Variants in CEP128 observed in about 807,000 individuals in gnomAD.
CEP128 encodes centrosomal protein 128.
A neutral mutation model predicts 156.7 loss-of-function variants in CEP128; 132 were observed. The ratio of observed to expected loss-of-function variants is 0.84; its 90% CI spans 0.73 to 0.97. The LOEUF is 0.97. CEP128 is among the 50% of genes least tolerant of loss of function. The pLI is 0.00. For synonymous variants in CEP128, 469 were observed against 448.9 expected (o/e 1.04, Z -0.57); for missense variants, 1,252 against 1,281.9 (o/e 0.98, Z 0.36).
chr14:80,631,205 T>C (rs1893945637), intron 19 of CEP128, among the ~76,000 whole-genome samples: 1 of 152,020 alleles, frequency 6.6e-6, no homozygotes. Flanking sequence ...GAACACTAAG[T>C]AGAGTCTTTA....
At position 80,916,579 on chromosome 14, in the gene CEP128, G is replaced by T; in HGVS notation, c.-15-17C>A. The T allele has an allele frequency of 6.4e-7, 1 of 1,571,120 alleles. No individual in the cohort carries two copies. The highest frequency in any genetic ancestry group is 8.7e-7 in the Non-Finnish European group (1 of 1,153,518). On this transcript the variant is annotated splice_polypyrimidine_tract_variant and intron_variant, in intron 2 of 24. Transcript: ENST00000555265. ...ACACAAATCCTTTTAAATAAATATA[G>T]GTCAAAGTTAATGAAACAGTAAAAA...
At chr14:80,945,008 G>A (rs1886306333), upstream of CEP128, among the ~76,000 whole-genome samples, 1 of 151,826 alleles carries the variant, frequency 6.6e-6, no homozygotes, top group Non-Finnish European at 1.5e-5. Flanking sequence ...TTACAGATAG[G>A]GGCACACAGA....
intron 19 of CEP128, among the ~76,000 whole-genome samples, chr14:80,668,684 T>A (rs1330572891): frequency 6.6e-6 from 1 of 152,088 alleles, no homozygotes; most frequent in African/African-American, 2.4e-5. Flanking sequence ...AAATTTTGAG[T>A]TCTCAGATCC....
At chr14:80,613,371 C>T (rs191548514) in intron 19 of CEP128, among the ~76,000 whole-genome samples, 1,657 of 138,790 alleles carry the variant, frequency 0.012, 31 homozygotes, top group African/African-American at 0.043. Context: ...GGCGCGATCT[C>T]GGCTCACTGC....
chr14:80,878,881 T>C (rs997605825), intron 8 of CEP128, among the ~76,000 whole-genome samples: 2 of 152,238 alleles, frequency 1.3e-5, no homozygotes, highest in Admixed American at 6.5e-5. Flanking sequence ...ATCTGTGTTG[T>C]GGATCCCAGT....
At chr14:80,693,111 C>T (rs1460570497) in intron 19 of CEP128, among the ~76,000 whole-genome samples, 1 of 152,144 alleles carries the variant, frequency 6.6e-6, no homozygotes, top group East Asian at 1.9e-4. Context: ...CAAAGATATG[C>T]TGGAAGTATC....
intron 21 of CEP128, among the ~76,000 whole-genome samples, chr14:80,538,069 G>A (rs959098938): frequency 2.0e-5 from 3 of 152,024 alleles, no homozygotes; most frequent in Non-Finnish European, 2.9e-5. Flanking sequence ...TGACTATCAA[G>A]TACTTACTTG....
intron 16 of CEP128, among the ~76,000 whole-genome samples, chr14:80,774,547 C>G (rs1900684457): frequency 6.6e-6 from 1 of 152,046 alleles, no homozygotes; most frequent in Non-Finnish European, 1.5e-5. Flanking sequence ...CTTTTATCTG[C>G]CCCAGACTGG....
At chr14:80,654,747 C>A (rs1895056883) in intron 19 of CEP128, among the ~76,000 whole-genome samples, 1 of 152,024 alleles carries the variant, frequency 6.6e-6, no homozygotes, top group Admixed American at 6.6e-5. Flanking sequence ...TCTTTCTACT[C>A]CCCTCCTCCA....
At chr14:80,499,281 A>G (rs995263369) in intron 24 of CEP128, among the ~76,000 whole-genome samples, 2 of 152,234 alleles carry the variant, frequency 1.3e-5, no homozygotes, top group Admixed American at 6.5e-5. Flanking sequence ...ATAGTGTGCT[A>G]TTCTTGCTGT....
chr14:80,802,558 G>C (rs977196212), intron 13 of CEP128, among the ~76,000 whole-genome samples: 2 of 143,402 alleles, frequency 1.4e-5, no homozygotes, highest in African/African-American at 2.5e-5. Context: ...GGGGTGAGGG[G>C]AGGGAACTTA....
chr14:80,647,061 A>G (rs765526259), intron 19 of CEP128, among the ~76,000 whole-genome samples: 28,562 of 60,092 alleles, frequency 0.48, 8,075 homozygotes, highest in Non-Finnish European at 0.6. Context: ...ATATATATAT[A>G]TATATATATA....
chr14:80,875,772 C>T (rs1009989094), intron 8 of CEP128, among the ~76,000 whole-genome samples: 7 of 152,102 alleles, frequency 4.6e-5, no homozygotes, highest in Non-Finnish European at 5.9e-5. Flanking sequence ...GGTATATGCA[C>T]ACTCGCCCTA....
chr14:80,604,612 C>G (rs938750942), intron 19 of CEP128, among the ~76,000 whole-genome samples: 1 of 152,090 alleles, frequency 6.6e-6, no homozygotes, highest in Admixed American at 6.6e-5. Flanking sequence ...CCTCGGTTAG[C>G]TTTTACAAAC....
intron 8 of CEP128, among the ~76,000 whole-genome samples, chr14:80,876,597 CAA>C (rs11419599): frequency 8.1e-5 from 11 of 135,970 alleles, no homozygotes; most frequent in Admixed American, 1.5e-4. Context: ...ACTCCCATTT[CAA>C]AAAAAAAAAA....
intron 9 of CEP128, among the ~76,000 whole-genome samples, chr14:80,849,110 C>A (rs1166717060): frequency 6.6e-6 from 1 of 151,818 alleles, no homozygotes; most frequent in Non-Finnish European, 1.5e-5. Flanking sequence ...ATAGAGCTGA[C>A]AAAATTTAAT....
chr14:80,922,987 A>T (rs548750056), intron 2 of CEP128, among the ~76,000 whole-genome samples: 1 of 152,334 alleles, frequency 6.6e-6, no homozygotes, highest in South Asian at 2.1e-4. Context: ...CAAGAAAGCA[A>T]CAATATTTGT....
intron 19 of CEP128, among the ~76,000 whole-genome samples, chr14:80,581,684 C>T (rs985479907): frequency 4.6e-5 from 7 of 152,020 alleles, no homozygotes; most frequent in Non-Finnish European, 7.4e-5. Context: ...TAATCAGGTA[C>T]GTCAAAAAAG....
rs570775629 is a variant in CEP128 at position 80,608,268 on chromosome 14, T to C, written c.2807-27845A>G. Among the ~76,000 whole-genome samples, 35 of 152,322 alleles carry C rather than the reference T, an allele frequency of 2.3e-4. 1 individual carries two copies. The South Asian group carries it at 5.4e-3, about 23-fold the overall frequency. On this transcript the variant is annotated intron_variant, in intron 19 of 24. Transcript: ENST00000555265. ...TTGTCTTTTCGCCTCCACTAGGATGTAAGCACCATAATGTTCTTGAGATAC... is the reference window on the plus strand; with the variant it reads ...TTGTCTTTTCGCCTCCACTAGGATGCAAGCACCATAATGTTCTTGAGATAC...
Sources: gnomAD v4.1 joint callset for allele counts (sites outside exome capture counted in the v4.1 genomes callset) on GRCh38, gnomAD v4.1.1 for gene constraint, MANE v1.5 for transcripts, NCBI Gene and HGNC (gene_info 2026-07-23, HGNC 2026-07-21) for gene names.